The following STOX2 variants were observed in gnomAD, a reference collection of about 807,000 sequenced individuals.
STOX2 encodes the protein storkhead box 2, also known as storkhead-box protein 2.
Under a neutral mutation model 60.9 loss-of-function variants are expected in STOX2, and 28 were observed. The ratio of observed to expected loss-of-function variants is 0.46; its 90% confidence interval spans 0.34 to 0.63. STOX2 has a LOEUF of 0.63. Among genes scored for constraint, STOX2 ranks in the 30% least tolerant of loss-of-function variants. The pLI is 0.01. For missense variants in STOX2, 1,024 were observed against 1,187.7 expected (o/e 0.86, Z 2.03); for synonymous variants, 472 against 463.9 (o/e 1.02, Z -0.22).
chr4:183,858,053 G>A lies in STOX2; in HGVS notation c.364+59998G>A, dbSNP rs112358470. On this transcript the variant is annotated intron_variant, in intron 1 of 2. Transcript: ENST00000513034. ...CTCCTGGAGTCCACAGTGAGGAGCG[G>A]GTAGTAAATAGGCCTCCCCAGCACA... is the stretch of plus-strand genomic sequence containing the variant. Among the ~76,000 whole-genome samples, 153 of 152,266 alleles carry A rather than the reference G, an allele frequency of 1.0e-3. 1 individual carries two copies. Among genetic ancestry groups the A allele is most frequent in the African/African-American group, 3.6e-3 (149 of 41,556 alleles).
At chr4:183,939,501 C>T (rs1379541780) in intron 1 of STOX2, among the ~76,000 whole-genome samples, 2 of 152,220 alleles carry the variant, frequency 1.3e-5, no homozygotes, top group African/African-American at 4.8e-5. Context: ...TCTGCAAAGA[C>T]CCTTTCCTAA....
At position 184,011,507 on chromosome 4, in the gene STOX2, C is replaced by A; in HGVS notation, c.2585+84C>A. 6.3e-7 allele frequency: 1 copy of A among 1,579,522 alleles called. No individual in the cohort carries two copies. Reference sequence around the variant, plus strand: ...ACGTAACTTGACAAGTTTCTGATTTCGTAGTCTCAGTTCTATGGATGAGGG... The same window carrying A: ...ACGTAACTTGACAAGTTTCTGATTTAGTAGTCTCAGTTCTATGGATGAGGG... On this transcript the variant is annotated intron_variant, in intron 3 of 3. Coordinates refer to ENST00000308497, the MANE Select transcript of STOX2 (RefSeq NM_020225.3). The surrounding 1 kb of genome is among the most constrained non-coding windows in gnomAD (Gnocchi z 4.4).
At chr4:183,995,084 A>G (rs1733272039) in intron 1 of STOX2, among the ~76,000 whole-genome samples, 2 of 152,144 alleles carry the variant, frequency 1.3e-5, no homozygotes, top group African/African-American at 4.8e-5. Context: ...GAAATGACAT[A>G]GTTTTATGTT....
At chr4:183,799,378 T>C (rs1157672141) in intron 1 of STOX2, among the ~76,000 whole-genome samples, 1 of 152,218 alleles carries the variant, frequency 6.6e-6, no homozygotes, top group Non-Finnish European at 1.5e-5. Flanking sequence ...CCTCTGAGAC[T>C]TAACTTGCTT....
intron 1 of STOX2, among the ~76,000 whole-genome samples, chr4:183,885,794 T>C (rs910185169): frequency 5.3e-5 from 8 of 152,248 alleles, no homozygotes; most frequent in African/African-American, 1.9e-4. Flanking sequence ...AATTGACCAA[T>C]AGCCAAATTC....
chr4:183,875,162 A>G (rs1205458567), intron 1 of STOX2, among the ~76,000 whole-genome samples: 1 of 151,350 alleles, frequency 6.6e-6, no homozygotes, highest in East Asian at 1.9e-4. Context: ...ATTTGTCTCA[A>G]GTAGTCACCA....
chr4:183,870,658 A>T (rs887837140), intron 1 of STOX2, among the ~76,000 whole-genome samples: 1 of 152,238 alleles, frequency 6.6e-6, no homozygotes, highest in Non-Finnish European at 1.5e-5. Context: ...AGTAATAAAA[A>T]TCTTCAAATT....
At chr4:184,012,175 C>T (rs1734199209) in intron 3 of STOX2, among the ~76,000 whole-genome samples, 1 of 152,202 alleles carries the variant, frequency 6.6e-6, no homozygotes, top group South Asian at 2.1e-4. Context: ...GCCCAGTGGT[C>T]ATGGCCAAAG....
chr4:183,802,729 C>G (rs1372857967), intron 1 of STOX2, among the ~76,000 whole-genome samples: 1 of 152,136 alleles, frequency 6.6e-6, no homozygotes, highest in Non-Finnish European at 1.5e-5. Flanking sequence ...CCTCAGCCTC[C>G]CGAGTAGCTG....
chr4:183,887,104 C>CAA (rs904427081), intron 1 of STOX2, among the ~76,000 whole-genome samples: 2 of 148,166 alleles, frequency 1.3e-5, no homozygotes, highest in African/African-American at 4.9e-5. Flanking sequence ...CCTAAAAATG[C>CAA]AAAAAAAAAA....
chr4:183,942,904 T>G (rs1269419357), intron 1 of STOX2, among the ~76,000 whole-genome samples: 1 of 152,268 alleles, frequency 6.6e-6, no homozygotes, highest in East Asian at 1.9e-4. Flanking sequence ...AAATGGCTTT[T>G]GATTTTGTAT....
At chr4:183,798,198 G>A in intron 1 of STOX2, 1 of 795,844 alleles carries the variant, frequency 1.3e-6, no homozygotes, top group Admixed American at 4.6e-5. Flanking sequence ...TGCCGGGGGA[G>A]GAGCCGGGGG....
intron 1 of STOX2, among the ~76,000 whole-genome samples, chr4:183,929,956 C>T (rs560379368): frequency 1.3e-5 from 2 of 151,336 alleles, no homozygotes; most frequent in South Asian, 2.1e-4. Context: ...CTCCGCCTCC[C>T]GGGTTCACGC....
intron 1 of STOX2, among the ~76,000 whole-genome samples, chr4:183,951,249 C>T (rs918292864): frequency 1.3e-5 from 2 of 150,108 alleles, no homozygotes; most frequent in Admixed American, 1.3e-4. Context: ...GACAGTAGTG[C>T]AAAGGCTTTG....
intron 1 of STOX2, among the ~76,000 whole-genome samples, chr4:183,924,876 G>A (rs1192618285): frequency 1.3e-5 from 2 of 152,146 alleles, no homozygotes; most frequent in Non-Finnish European, 2.9e-5. Context: ...CTGTGCTGGC[G>A]TCAGAAGGTA....
rs1006554229 is a variant in STOX2, at chr4:184,019,530, T to C, written c.*2246T>C. On this transcript the variant is annotated 3_prime_UTR_variant, in exon 4 of 4. Coordinates refer to ENST00000308497, the MANE Select transcript of STOX2 (RefSeq NM_020225.3). ...AGTAGCCATTGAAATAATCGAATAC[T>C]GTGTGAACAGGAAAGGAAAGCGTTA... 2.0e-5 allele frequency: 3 copies of C among 152,238 alleles called. No homozygotes were observed. The highest frequency in any genetic ancestry group is 6.5e-5 in the Admixed American group (1 of 15,286). The allele number at this position is 152,238 out of a possible 1,614,324, so 9.4% of individuals were successfully genotyped here.
At position 184,020,659 on chromosome 4, in the gene STOX2, G is replaced by A. The variant is rs1357023014; in HGVS notation, c.*3375G>A. On this transcript the variant is annotated 3_prime_UTR_variant, in exon 4 of 4. Coordinates refer to ENST00000308497, the MANE Select transcript of STOX2 (RefSeq NM_020225.3). ...CATTATATATATTTTGCACATCTCAGGGGACCATAATGAACATATGAAAGG... is the reference window on the plus strand; with the variant it reads ...CATTATATATATTTTGCACATCTCAAGGGACCATAATGAACATATGAAAGG... The A allele has an allele frequency of 6.9e-6, 1 of 145,710 alleles. No homozygotes were observed. The highest frequency in any genetic ancestry group is 1.5e-5 in the Non-Finnish European group (1 of 66,492). 9.0% of individuals were successfully genotyped at this position (145,710 alleles called of 1,614,324 possible).
chr4:183,810,883 A>G (rs1739019970), intron 1 of STOX2, among the ~76,000 whole-genome samples: 1 of 152,144 alleles, frequency 6.6e-6, no homozygotes, highest in African/African-American at 2.4e-5. Context: ...CTGTTATAGC[A>G]GCACAACATG....
intron 1 of STOX2, among the ~76,000 whole-genome samples, chr4:183,898,964 C>G (rs1340499224): frequency 6.6e-6 from 1 of 152,198 alleles, no homozygotes; most frequent in Non-Finnish European, 1.5e-5. Context: ...GTGAGTAAGT[C>G]TATGGGCGCC....
Sources: allele counts gnomAD v4.1 joint callset (sites outside exome capture counted in the v4.1 genomes callset), GRCh38; gene constraint gnomAD v4.1.1; non-coding constraint Gnocchi (gnomAD v3.1); transcripts MANE v1.5; gene names NCBI Gene and HGNC (gene_info 2026-07-23, HGNC 2026-07-21).